The following PTPRD variants were observed in gnomAD, a reference collection of about 807,000 sequenced individuals.
PTPRD encodes protein tyrosine phosphatase receptor type D, also known as receptor-type tyrosine-protein phosphatase delta.
A neutral mutation model predicts 214.5 loss-of-function variants in PTPRD; 34 were observed. That is an observed-to-expected ratio of 0.16 (90% CI 0.12 to 0.21). The LOEUF is 0.21. Among genes scored for constraint, PTPRD ranks in the 10% least tolerant of loss-of-function variants. PTPRD has a pLI of 1.00. For synonymous variants in PTPRD, 1,128 were observed against 845.7 expected, an observed-to-expected ratio of 1.33 and a Z score of -5.79; for missense variants, 2,545 against 2,398.7, an observed-to-expected ratio of 1.06 and a Z score of -1.27.
intron 3 of PTPRD, among the ~76,000 whole-genome samples, chr9:10,110,725 T>C (rs1246062195): frequency 6.6e-6 from 1 of 152,196 alleles, no homozygotes; most frequent in African/African-American, 2.4e-5. Context: ...GCAAAAATTA[T>C]TGTGGGAAAG....
At chr9:10,483,832 GT>G (rs1285723163) in intron 2 of PTPRD, among the ~76,000 whole-genome samples, 4 of 152,232 alleles carry the variant, frequency 2.6e-5, no homozygotes, top group African/African-American at 7.2e-5. Context: ...CGGTGAGAAT[GT>G]AAATTAATAC....
At chr9:9,124,469 A>C (rs1193109630) in intron 10 of PTPRD, among the ~76,000 whole-genome samples, 1 of 152,190 alleles carries the variant, frequency 6.6e-6, no homozygotes, top group Non-Finnish European at 1.5e-5. Flanking sequence ...GACAGACTGA[A>C]ATTAGACCAG....
chr9:8,852,114 C>T (rs1225067033), intron 11 of PTPRD, among the ~76,000 whole-genome samples: 2 of 152,072 alleles, frequency 1.3e-5, no homozygotes, highest in East Asian at 1.9e-4. Context: ...CAGAGGATCA[C>T]TTTATGTATT....
intron 10 of PTPRD, among the ~76,000 whole-genome samples, chr9:9,113,454 G>A (rs2154454775): frequency 6.6e-6 from 1 of 152,186 alleles, no homozygotes; most frequent in Non-Finnish European, 1.5e-5. Context: ...GAGTCATTCT[G>A]AGTTAGGCCA....
intron 33 of PTPRD, among the ~76,000 whole-genome samples, chr9:8,454,970 T>C (rs1247829868): frequency 6.6e-6 from 1 of 152,120 alleles, no homozygotes; most frequent in Non-Finnish European, 1.5e-5. Flanking sequence ...AGAAAACTAA[T>C]GTACTCAATG....
At chr9:9,175,695 T>C (rs1257332599) in intron 10 of PTPRD, among the ~76,000 whole-genome samples, 2 of 151,398 alleles carry the variant, frequency 1.3e-5, no homozygotes. Context: ...AAATATACTA[T>C]TTGTTTTGAG....
At chr9:9,964,782 A>C (rs2094575748) in intron 4 of PTPRD, among the ~76,000 whole-genome samples, 1 of 152,198 alleles carries the variant, frequency 6.6e-6, no homozygotes, top group Non-Finnish European at 1.5e-5. Flanking sequence ...AAAACATTTT[A>C]ACAATGTAAT....
intron 38 of PTPRD, 117 bp from the exon 39 acceptor site, chr9:8,376,207 T>TA (rs2083193123): frequency 8.4e-7 from 1 of 1,197,440 alleles, no homozygotes; most frequent in Non-Finnish European, 1.2e-6. Flanking sequence ...TACCACCCTG[T>TA]AGCCTTTGGG....
At chr9:9,704,063 T>A (rs1325773128) in intron 7 of PTPRD, among the ~76,000 whole-genome samples, 8 of 112,522 alleles carry the variant, frequency 7.1e-5, no homozygotes, top group African/African-American at 3.2e-4. Context: ...TTAGTTTTTA[T>A]TTTAAAAATG....
chr9:10,226,128 G>A (rs1055594575), intron 3 of PTPRD, among the ~76,000 whole-genome samples: 1 of 151,924 alleles, frequency 6.6e-6, no homozygotes, highest in African/African-American at 2.4e-5. Flanking sequence ...GTGGTCAGCC[G>A]CCCCAATGCA....
intron 7 of PTPRD, among the ~76,000 whole-genome samples, chr9:9,706,987 G>A (rs1201235032): frequency 1.3e-5 from 2 of 152,080 alleles, no homozygotes; most frequent in African/African-American, 4.8e-5. Context: ...AGATAAAATA[G>A]AATAAGTTAA....
chr9:10,416,894 G>A (rs2098495976), intron 2 of PTPRD, among the ~76,000 whole-genome samples: 1 of 151,846 alleles, frequency 6.6e-6, no homozygotes, highest in South Asian at 2.1e-4. Context: ...GGTTCTAAGA[G>A]TCCTGGAAAA....
chr9:9,349,568 T>C (rs1375018648), intron 9 of PTPRD, among the ~76,000 whole-genome samples: 1 of 147,548 alleles, frequency 6.8e-6, no homozygotes. Flanking sequence ...GACTGAAAAT[T>C]GGATTTTTTT....
chr9:8,476,605 A>T (rs1043316089), intron 30 of PTPRD, among the ~76,000 whole-genome samples: 5 of 152,072 alleles, frequency 3.3e-5, no homozygotes, highest in Non-Finnish European at 1.5e-5. Context: ...TTTTAAACCT[A>T]TTACCCCCAT....
intron 14 of PTPRD, among the ~76,000 whole-genome samples, chr9:8,598,912 C>T (rs548092141): frequency 6.6e-6 from 1 of 152,288 alleles, no homozygotes; most frequent in South Asian, 2.1e-4. Flanking sequence ...TAGAGTTCTG[C>T]TCCTTTGCTG....
At chr9:9,826,231 A>G (rs1187014454) in intron 5 of PTPRD, among the ~76,000 whole-genome samples, 2 of 151,634 alleles carry the variant, frequency 1.3e-5, no homozygotes, top group Non-Finnish European at 2.9e-5. Flanking sequence ...TCCATCAGGT[A>G]TATTTGTTTG....
chr9:8,827,470 G>A (rs986237917), intron 11 of PTPRD, among the ~76,000 whole-genome samples: 4 of 152,022 alleles, frequency 2.6e-5, no homozygotes, highest in Non-Finnish European at 5.9e-5. Context: ...AGCCAGGTAT[G>A]GTGGCGCACC....
intron 11 of PTPRD, among the ~76,000 whole-genome samples, chr9:8,977,497 G>C (rs2099274442): frequency 6.6e-6 from 1 of 151,920 alleles, no homozygotes; most frequent in Non-Finnish European, 1.5e-5. Context: ...TCTATGTGCT[G>C]TTATTGAAAC....
At chr9:8,757,398 T>C (rs1384410304) in intron 11 of PTPRD, among the ~76,000 whole-genome samples, 1 of 152,108 alleles carries the variant, frequency 6.6e-6, no homozygotes, top group Non-Finnish European at 1.5e-5. Flanking sequence ...GATTTAGATG[T>C]TGATATGTTC....
Sources: gnomAD v4.1 joint callset for allele counts (sites outside exome capture counted in the v4.1 genomes callset) on GRCh38, gnomAD v4.1.1 for gene constraint, MANE v1.5 for transcripts, NCBI Gene and HGNC (gene_info 2026-07-23, HGNC 2026-07-21) for gene names.